The following TIE1 variants were observed in gnomAD, a reference collection of about 807,000 sequenced individuals.
The protein encoded by TIE1 is tyrosine-protein kinase receptor Tie-1.
TIE1 carries 89 observed loss-of-function variants against 130.5 expected under a neutral mutation model. The observed-to-expected ratio is 0.68, with a 90% CI of 0.57 to 0.81. The LOEUF is 0.81. Among genes scored for constraint, TIE1 ranks in the 40% least tolerant of loss-of-function variants. TIE1 has a pLI of 0.00. For synonymous variants in TIE1, 568 were observed against 629.4 expected (o/e 0.90, Z 1.46); for missense variants, 1,392 against 1,559.8 (o/e 0.89, Z 1.81).
rs748212442 is a variant in TIE1, at chr1:43,307,494, C to T, written c.835C>T (p.Arg279Trp). The T allele has an allele frequency of 3.3e-5, 53 of 1,614,072 alleles. 1 individual carries two copies. Among genetic ancestry groups the T allele is most frequent in the Admixed American group, 5.0e-5 (3 of 60,008 alleles). ...GCAGTGCCCAGGCATATCAGGCTGC[C>T]GGGGCCTCACCTTCTGCCTCCCAGA... ...QEQCPGISGC[R>W]GLTFCLPDPY... The change falls in exon 6 of 23, where the codon CGG (arginine) becomes TGG (tryptophan). Residue 279 changes from arginine to tryptophan, a missense_variant. Physicochemically the swap from Arg to Trp is moderately radical, Grantham distance 101 (BLOSUM62 -3). Around this residue, in one of 6 missense-constraint regions of TIE1, gnomAD observed 415 missense variants for 424.8 expected, o/e 0.98. Coordinates refer to ENST00000372476, the MANE Select transcript of TIE1 (RefSeq NM_005424.5). The surrounding 1 kb of genome is among the most constrained non-coding windows in gnomAD (Gnocchi z 5.4).
In TIE1 at chr1:43,317,622, A is replaced by G. The variant is rs867962929; in HGVS notation, c.2679A>G (p.Lys893=). ...DFAGELEVLC[K]LGHHPNIINL... ...CGGGAGAACTGGAAGTTCTGTGCAA[A>G]TTGGGGCATCACCCCAACATCATCA... The change falls in exon 16 of 23, where the codon AAA becomes AAG. Residue 893 remains lysine (K), a synonymous_variant. Transcript: ENST00000372476. The surrounding 1 kb of genome is among the most constrained non-coding windows in gnomAD (Gnocchi z 5.1). 1 of 1,608,038 alleles carries G rather than the reference A, an allele frequency of 6.2e-7. No individual in the cohort carries two copies. The highest frequency in any genetic ancestry group is 1.3e-5 in the African/African-American group (1 of 74,800).
At position 43,312,570 on chromosome 1, in the gene TIE1, GC is replaced by G. The variant is rs1383095513; in HGVS notation, c.1901del (p.Pro634LeufsTer29). The G allele has an allele frequency of 6.2e-7, 1 of 1,610,980 alleles. No homozygotes were observed. Among genetic ancestry groups the G allele is most frequent in the Non-Finnish European group, 8.5e-7 (1 of 1,178,770 alleles). On this transcript the variant is annotated frameshift_variant, in exon 12 of 23. Coordinates refer to ENST00000372476, the MANE Select transcript of TIE1 (RefSeq NM_005424.5). LOFTEE classifies it high-confidence loss of function. The surrounding 1 kb of genome is among the most constrained non-coding windows in gnomAD (Gnocchi z 5.6). ...ACTGCACCCTCCTGGGCCCGGCCTC[GC>G]CCCCTGCACACGTGCTTCTGCCCCC... ...YHCTLLGPAS[P>X]PAHVLLPPSG...
chr1:43,314,647 G>T (rs1343977338), intron 14 of TIE1: 2 of 674,780 alleles, frequency 3.0e-6, no homozygotes, highest in African/African-American at 3.9e-5. Flanking sequence ...GGCCAACATG[G>T]TGAAACCTTG....
At position 43,308,515 on chromosome 1, in the gene TIE1, G is replaced by A. The variant is rs541200765; in HGVS notation, c.1043-471G>A. ...AGTGGAGTGGGGGACTGGGGAAATG[G>A]TCAGAAGAGGTCAAATCGTGGGGCC... is the stretch of plus-strand genomic sequence containing the variant. On this transcript the variant is annotated intron_variant, in intron 7 of 22. Transcript: ENST00000372476. Among the ~76,000 whole-genome samples the A allele has an allele frequency of 2.8e-4, 42 of 152,292 alleles. 1 individual carries two copies. The highest frequency in any genetic ancestry group is 9.9e-4 in the African/African-American group (41 of 41,538).
Position 43,307,525 on chromosome 1 carries a change from A to G in TIE1, c.866A>G (p.Tyr289Cys), listed in dbSNP as rs774160198. 6 of 1,614,130 alleles carry G rather than the reference A, an allele frequency of 3.7e-6. No homozygotes were observed. The highest frequency in any genetic ancestry group is 1.7e-5 in the Admixed American group (1 of 60,024). Residue 289 changes from tyrosine to cysteine, a missense_variant, in exon 6 of 23, where the codon TAT becomes TGT. By Grantham distance (194) the Tyr-to-Cys change is radical (BLOSUM62 -2). Around this residue, in one of 6 missense-constraint regions of TIE1, gnomAD observed 415 missense variants for 424.8 expected, o/e 0.98. Transcript: ENST00000372476. The surrounding 1 kb of genome is among the most constrained non-coding windows in gnomAD (Gnocchi z 5.4). Reference sequence around the variant, plus strand: ...CTCACCTTCTGCCTCCCAGACCCCTATGGCTGCTCTTGTGGATCTGGCTGG... The same window carrying G: ...CTCACCTTCTGCCTCCCAGACCCCTGTGGCTGCTCTTGTGGATCTGGCTGG... ...RGLTFCLPDP[Y>C]GCSCGSGWRG...
In TIE1 at chr1:43,313,155, C is replaced by G; in HGVS notation, c.1948C>G (p.Leu650Val). Reference sequence around the variant, plus strand: ...CCCAGGGCCTCCAGCCCCCCGACACCTCCACGCCCAGGCCCTCTCAGACTC... The same window carrying G: ...CCCAGGGCCTCCAGCCCCCCGACACGTCCACGCCCAGGCCCTCTCAGACTC... ...PPSGPPAPRH[L>V]HAQALSDSEI... The change falls in exon 13 of 23, where the codon CTC (leucine) becomes GTC (valine). Residue 650 changes from leucine (L) to valine (V), a missense_variant. Leu to Val is a conservative substitution (Grantham distance 32). Coordinates refer to ENST00000372476, the MANE Select transcript of TIE1 (RefSeq NM_005424.5). This position sits in a 1 kb window ranked among gnomAD's most constrained non-coding sequence, Gnocchi z 6.2. The G allele has an allele frequency of 6.2e-7, 1 of 1,609,268 alleles. No individual in the cohort carries two copies. The highest frequency in any genetic ancestry group is 8.5e-7 in the Non-Finnish European group (1 of 1,178,078).
chr1:43,313,305 G>A lies in TIE1; in HGVS notation c.2098G>A (p.Glu700Lys). ...PLWIDVDRPE[E>K]TSTIIRGLNA... ...GTGGATAGACGTGGACAGGCCTGAG[G>A]AGACAAGCACCATCATCCGTGGCCT... The change falls in exon 13 of 23, where the codon GAG becomes AAG. Residue 700 changes from glutamate to lysine, a missense_variant. Physicochemically the swap from Glu to Lys is moderately conservative, Grantham distance 56. Around this residue, in one of 6 missense-constraint regions of TIE1, gnomAD observed 551 missense variants for 565.5 expected, o/e 0.97. Coordinates refer to ENST00000372476, the MANE Select transcript of TIE1 (RefSeq NM_005424.5). This position sits in a 1 kb window ranked among gnomAD's most constrained non-coding sequence, Gnocchi z 6.2. 1 of 1,614,010 alleles carries A rather than the reference G, an allele frequency of 6.2e-7. No homozygotes were observed. Among genetic ancestry groups the A allele is most frequent in the East Asian group, 2.2e-5 (1 of 44,864 alleles).
At position 43,322,619 on chromosome 1, in the gene TIE1, C is replaced by G. The variant is rs1236362706; in HGVS notation, c.3346-32C>G. ...CTTGAGGCCAGATGCACCCCCATTC[C>G]TGGCCCCCACTAAAGCTTGCTCTGC... On this transcript the variant is annotated intron_variant, in intron 22 of 22. Transcript: ENST00000372476. The surrounding 1 kb of genome is among the most constrained non-coding windows in gnomAD (Gnocchi z 4.0). 1 of 1,605,174 alleles carries G rather than the reference C, an allele frequency of 6.2e-7. No homozygotes were observed. Among genetic ancestry groups the G allele is most frequent in the Non-Finnish European group, 8.5e-7 (1 of 1,172,316 alleles).
At position 43,312,678 on chromosome 1, in the gene TIE1, C is replaced by T. The variant is rs1459943356; in HGVS notation, c.1927+77C>T. ...AGGGACACATGAGACCTAGGAGACA[C>T]GGGAGGCTGTAGGAGATTAATGGAC... On this transcript the variant is annotated intron_variant, in intron 12 of 22. Transcript: ENST00000372476. This position sits in a 1 kb window ranked among gnomAD's most constrained non-coding sequence, Gnocchi z 5.6. 2.0e-5 allele frequency: 30 copies of T among 1,488,506 alleles called. No individual in the cohort carries two copies. Among genetic ancestry groups the T allele is most frequent in the Non-Finnish European group, 2.6e-5 (29 of 1,107,114 alleles). The allele number at this position is 1,488,506 out of a possible 1,614,324, so 92.2% of individuals were successfully genotyped here.
At position 43,313,228 on chromosome 1, in the gene TIE1, T is replaced by C. The variant is rs764210315; in HGVS notation, c.2021T>C (p.Ile674Thr). The C allele has an allele frequency of 6.2e-7, 1 of 1,613,812 alleles. No individual in the cohort carries two copies. Among genetic ancestry groups the C allele is most frequent in the Admixed American group, 1.7e-5 (1 of 59,996 alleles). The change falls in exon 13 of 23, where the codon ATA becomes ACA. Residue 674 changes from isoleucine (I) to threonine (T), a missense_variant. Ile to Thr is a moderately conservative substitution (Grantham distance 89). Around this residue, in one of 6 missense-constraint regions of TIE1, gnomAD observed 551 missense variants for 565.5 expected, o/e 0.97. Coordinates refer to ENST00000372476, the MANE Select transcript of TIE1 (RefSeq NM_005424.5). This position sits in a 1 kb window ranked among gnomAD's most constrained non-coding sequence, Gnocchi z 6.2. ...WKHPEALPGP[I>T]SKYVVEVQVA... ...CACCCGGAGGCTCTGCCTGGGCCAA[T>C]ATCCAAGTACGTTGTGGAGGTGCAG... is the stretch of plus-strand genomic sequence containing the variant.
In TIE1 at chr1:43,322,669, C is replaced by T. The variant is rs1372789133; in HGVS notation, c.3364C>T (p.Leu1122=). ...CCCCCAGGCCTATGTGAACATGTCG[C>T]TGTTTGAGAACTTCACTTACGCGGG... ...EARKAYVNMS[L]FENFTYAGID... Residue 1122 remains leucine (L), a synonymous_variant, in exon 23 of 23, where the codon CTG becomes TTG. Transcript: ENST00000372476. The surrounding 1 kb of genome is among the most constrained non-coding windows in gnomAD (Gnocchi z 4.0). 1 of 1,614,164 alleles carries T rather than the reference C, an allele frequency of 6.2e-7. No individual in the cohort carries two copies. The highest frequency in any genetic ancestry group is 8.5e-7 in the Non-Finnish European group (1 of 1,180,038).
At chr1:43,304,536 A>T (rs996566052) in intron 1 of TIE1, among the ~76,000 whole-genome samples, 3 of 152,268 alleles carry the variant, frequency 2.0e-5, no homozygotes, top group African/African-American at 7.2e-5. Flanking sequence ...GGCGAAAGGG[A>T]AGCCATCTGG....
At position 43,307,325 on chromosome 1, in the gene TIE1, G is replaced by A. The variant is rs772609035; in HGVS notation, c.772+52G>A. 8 of 1,613,084 alleles carry A rather than the reference G, an allele frequency of 5.0e-6. No individual in the cohort carries two copies. In the South Asian group the frequency reaches 6.6e-5, roughly 13 times the overall value. On this transcript the variant is annotated intron_variant, in intron 5 of 22. Coordinates refer to ENST00000372476, the MANE Select transcript of TIE1 (RefSeq NM_005424.5). The surrounding 1 kb of genome is among the most constrained non-coding windows in gnomAD (Gnocchi z 5.4). ...GGCAGGAGAGGATCCCTGACTGGGA[G>A]AAGACCCTAGAACCATGTGGGTGGA...
Position 43,313,859 on chromosome 1 carries a change from G to A in TIE1, c.2300G>A (p.Gly767Asp). ...LDQQLILAVV[G>D]SVSATCLTIL... ...CAGCAGCTGATCCTGGCGGTGGTGGGCTCCGTGTCTGCCACCTGCCTCACC... is the reference window on the plus strand; with the variant it reads ...CAGCAGCTGATCCTGGCGGTGGTGGACTCCGTGTCTGCCACCTGCCTCACC... The change falls in exon 14 of 23, where the codon GGC (glycine) becomes GAC (aspartate). Residue 767 changes from glycine (G) to aspartate (D), a missense_variant. Coordinates refer to ENST00000372476, the MANE Select transcript of TIE1 (RefSeq NM_005424.5). The surrounding 1 kb of genome is among the most constrained non-coding windows in gnomAD (Gnocchi z 6.2). The A allele has an allele frequency of 6.2e-7, 1 of 1,614,052 alleles. No individual in the cohort carries two copies. The highest frequency in any genetic ancestry group is 8.5e-7 in the Non-Finnish European group (1 of 1,179,972).
intron 3 of TIE1, 51 bp downstream of exon 3, chr1:43,305,394 G>C (rs1646719177): frequency 6.9e-7 from 1 of 1,449,946 alleles, no homozygotes; most frequent in Non-Finnish European, 9.2e-7. Context: ...TCGTTCTGAG[G>C]CCCCAACACT....
intron 1 of TIE1, among the ~76,000 whole-genome samples, chr1:43,301,620 C>T (rs1646671050): frequency 1.3e-5 from 2 of 152,170 alleles, no homozygotes; most frequent in Admixed American, 1.3e-4. Flanking sequence ...GCCTGTAATC[C>T]CGGCACTTTG....
At chr1:43,302,837 G>A (rs193246287) in intron 1 of TIE1, among the ~76,000 whole-genome samples, 2 of 152,022 alleles carry the variant, frequency 1.3e-5, no homozygotes, top group Admixed American at 1.3e-4. Flanking sequence ...TAAGGATGAG[G>A]GCTGAACAAA....
rs1009528435 is a variant in TIE1 at position 43,318,650 on chromosome 1, T to C, written c.2922+578T>C. Among the ~76,000 whole-genome samples, 4 of 151,988 alleles carry C rather than the reference T, an allele frequency of 2.6e-5. No individual in the cohort carries two copies. The highest frequency in any genetic ancestry group is 5.9e-5 in the Non-Finnish European group (4 of 67,984). On this transcript the variant is annotated intron_variant, in intron 17 of 22. Transcript: ENST00000372476. This position sits in a 1 kb window ranked among gnomAD's most constrained non-coding sequence, Gnocchi z 4.4. The stretch of plus-strand genomic sequence containing the variant: ...TCCTGAGTAGCTGGGATTACAGGCA[T>C]GTACCACCACACCCAGCTAATTTTT...
In TIE1 at chr1:43,311,847, T is replaced by G; in HGVS notation, c.1492+18T>G. On this transcript the variant is annotated intron_variant, in intron 10 of 22. Coordinates refer to ENST00000372476, the MANE Select transcript of TIE1 (RefSeq NM_005424.5). ...CATTGTGGGTGAGTAGGGAGAGAGC[T>G]GGGGCAGGACAGAGGTGTTGGGTAA... 1 of 1,610,312 alleles carries G rather than the reference T, an allele frequency of 6.2e-7. No individual in the cohort carries two copies. The highest frequency in any genetic ancestry group is 8.5e-7 in the Non-Finnish European group (1 of 1,177,640).
Sources: allele counts gnomAD v4.1 joint callset (sites outside exome capture counted in the v4.1 genomes callset), GRCh38; gene constraint gnomAD v4.1.1; regional missense constraint gnomAD v4.1.1; non-coding constraint Gnocchi (gnomAD v3.1); transcripts MANE v1.5; gene names NCBI Gene and HGNC (gene_info 2026-07-23, HGNC 2026-07-21).